Variants in VPS13C observed in about 807,000 individuals in gnomAD.
The protein encoded by VPS13C is intermembrane lipid transfer protein VPS13C.
Under a neutral mutation model 456.8 loss-of-function variants are expected in VPS13C, and 358 were observed. That is an observed-to-expected ratio of 0.78 (90% confidence interval 0.72 to 0.86). VPS13C has a LOEUF of 0.86. Among genes scored for constraint, VPS13C ranks in the 40% least tolerant of loss-of-function variants. VPS13C has a pLI of 0.00. For missense variants in VPS13C, 4,818 were observed against 4,385.4 expected (o/e 1.10, Z -2.79); for synonymous variants, 1,578 against 1,486.7 (o/e 1.06, Z -1.41).
intron 1 of VPS13C, among the ~76,000 whole-genome samples, chr15:62,052,203 C>T (rs531398295): frequency 1.3e-5 from 2 of 152,134 alleles, no homozygotes; most frequent in Admixed American, 6.5e-5. Flanking sequence ...ATAAAGAATG[C>T]TTTGTATTTA....
chr15:61,908,246 T>A (rs577279405), intron 65 of VPS13C, among the ~76,000 whole-genome samples: 41 of 152,248 alleles, frequency 2.7e-4, no homozygotes, highest in African/African-American at 9.9e-4. Context: ...CTTTTAAGTC[T>A]CTCACTGGAT....
intron 15 of VPS13C, among the ~76,000 whole-genome samples, chr15:62,002,999 G>A (rs895433317): frequency 2.6e-4 from 39 of 152,222 alleles, no homozygotes; most frequent in African/African-American, 8.9e-4. Context: ...ACTTGGCAAT[G>A]CGGGCTCTTT....
chr15:61,964,534 T>C (rs150905159), intron 31 of VPS13C, among the ~76,000 whole-genome samples, 165 bp downstream of exon 31: 459 of 152,168 alleles, frequency 3.0e-3, no homozygotes, highest in Non-Finnish European at 4.8e-3. Context: ...AACAACAGTA[T>C]TGATTACATT....
intron 66 of VPS13C, among the ~76,000 whole-genome samples, chr15:61,904,739 T>C (rs2043105789): frequency 6.6e-6 from 1 of 152,070 alleles, no homozygotes; most frequent in Admixed American, 6.6e-5. Flanking sequence ...TAAATGTCCA[T>C]CAATAGATGA....
intron 1 of VPS13C, among the ~76,000 whole-genome samples, chr15:62,046,892 G>T (rs1357013398): frequency 6.6e-6 from 1 of 152,048 alleles, no homozygotes; most frequent in Admixed American, 6.6e-5. Flanking sequence ...GACAAAAAGA[G>T]ATTGTACTTA....
chr15:61,925,735 T>C (rs1292259412), intron 52 of VPS13C, among the ~76,000 whole-genome samples, 187 bp from the exon 53 acceptor site: 1 of 152,254 alleles, frequency 6.6e-6, no homozygotes, highest in Non-Finnish European at 1.5e-5. Context: ...ATGAGAAATC[T>C]GTGAACACTG....
At chr15:61,896,491 G>T (rs2042818253) in intron 66 of VPS13C, among the ~76,000 whole-genome samples, 1 of 152,178 alleles carries the variant, frequency 6.6e-6, no homozygotes, top group Non-Finnish European at 1.5e-5. Context: ...AGGGGTGACG[G>T]ACGGGACCTG....
intron 15 of VPS13C, among the ~76,000 whole-genome samples, chr15:62,000,989 T>C (rs1256309556): frequency 6.6e-6 from 1 of 152,176 alleles, no homozygotes; most frequent in Non-Finnish European, 1.5e-5. Context: ...TTCTTATCAT[T>C]ACATAGCCAT....
At position 61,916,006 on chromosome 15, in the gene VPS13C, T is replaced by G; in HGVS notation, c.8072A>C (p.His2691Pro). Reference sequence around the variant, plus strand: ...AGCAGTACTGCCTTCTGCCAGCTCATGAGTTTCTGCTGTTCCCTAAAAACA... The same window carrying G: ...AGCAGTACTGCCTTCTGCCAGCTCAGGAGTTTCTGCTGTTCCCTAAAAACA... ...RYLLEGTAET[H>P]ELAEGSTADV... is the part of the protein sequence containing the mutation. The change falls in exon 61 of 85, where the codon CAT (histidine) becomes CCT (proline). Residue 2691 changes from histidine to proline, a missense_variant. Coordinates refer to ENST00000644861, the MANE Select transcript of VPS13C (RefSeq NM_020821.3). The G allele has an allele frequency of 6.3e-7, 1 of 1,587,064 alleles. No homozygotes were observed.
rs377193341 is a variant in VPS13C at position 62,048,438 on chromosome 15, C to A, written c.101-4183G>T. Among the ~76,000 whole-genome samples the A allele has an allele frequency of 8.7e-5, 13 of 149,706 alleles. No individual in the cohort carries two copies. In the South Asian group the frequency reaches 1.9e-3, roughly 22 times the overall value. On this transcript the variant is annotated intron_variant, in intron 1 of 84. Transcript: ENST00000644861. ...TCCCTACAAAGGACATGAACTCATCCTTTTTTACGGCTGCATAGTATTCCA... is the reference window on the plus strand; with the variant it reads ...TCCCTACAAAGGACATGAACTCATCATTTTTTACGGCTGCATAGTATTCCA...
chr15:61,946,579 A>G (rs1356916651), intron 43 of VPS13C, among the ~76,000 whole-genome samples, 169 bp from the exon 44 acceptor site: 1 of 151,864 alleles, frequency 6.6e-6, no homozygotes, highest in African/African-American at 2.4e-5. Context: ...GAAAGGTAAT[A>G]ATACCTTTAA....
intron 16 of VPS13C, among the ~76,000 whole-genome samples, chr15:62,000,087 C>T (rs1269078026): frequency 6.6e-6 from 1 of 152,032 alleles, no homozygotes; most frequent in Non-Finnish European, 1.5e-5. Context: ...AGTGGCCAGG[C>T]GCAGTGGCTC....
chr15:62,033,511 T>C lies in VPS13C; in HGVS notation c.315A>G (p.Lys105=), dbSNP rs761772358. The change falls in exon 5 of 85, where the codon AAA becomes AAG. Residue 105 remains lysine, a synonymous_variant. Coordinates refer to ENST00000644861, the MANE Select transcript of VPS13C (RefSeq NM_020821.3). ...SIKYDAVKEE[K]SLQDVKQKEL... is the part of the protein sequence containing the mutation. The stretch of plus-strand genomic sequence containing the variant: ...CTTTCTGTTTAACATCCTGCAAGGA[T>C]TTTTCTTCTTTTACAGCATCATACT... 2 of 1,605,892 alleles carry C rather than the reference T, an allele frequency of 1.2e-6. No individual in the cohort carries two copies. Among genetic ancestry groups the C allele is most frequent in the African/African-American group, 2.7e-5 (2 of 74,610 alleles).
At chr15:61,876,845 C>G (rs932478059) in intron 75 of VPS13C, 128 bp downstream of exon 75, 1 of 601,264 alleles carries the variant, frequency 1.7e-6, no homozygotes, top group East Asian at 3.2e-5. Context: ...TTGAAGAAAG[C>G]CACTAAATAC....
In VPS13C at chr15:61,920,079, T is replaced by C. The variant is rs1429167218; in HGVS notation, c.7465A>G (p.Thr2489Ala). The stretch of plus-strand genomic sequence containing the variant: ...AAATATAGCCTACCAATGGTCAGAG[T>C]GAAGAAGGAGCTTTCTTGACGGCTC... ...ILSRQESSFF[T>A]LTIVPHGYTE... is the part of the protein sequence containing the mutation. The change falls in exon 57 of 85, where the codon ACT becomes GCT. Residue 2489 changes from threonine (T) to alanine (A), a missense_variant. By Grantham distance (58) the Thr-to-Ala change is moderately conservative. Transcript: ENST00000644861. 7.5e-6 allele frequency: 12 copies of C among 1,604,638 alleles called. No homozygotes were observed. The highest frequency in any genetic ancestry group is 6.7e-5 in the African/African-American group (5 of 74,642).
intron 30 of VPS13C, among the ~76,000 whole-genome samples, chr15:61,965,377 A>G (rs1401578185): frequency 6.6e-6 from 1 of 151,950 alleles, no homozygotes; most frequent in Non-Finnish European, 1.5e-5. Flanking sequence ...AAGAAACACA[A>G]TATAGAACTT....
At chr15:61,903,886 A>T (rs1169288879) in intron 66 of VPS13C, among the ~76,000 whole-genome samples, 1 of 152,196 alleles carries the variant, frequency 6.6e-6, no homozygotes, top group Non-Finnish European at 1.5e-5. Context: ...GGAAAAAGAC[A>T]GTGTCTTCAA....
intron 5 of VPS13C, among the ~76,000 whole-genome samples, chr15:62,032,082 C>T (rs1220327550): frequency 6.6e-6 from 1 of 151,720 alleles, no homozygotes; most frequent in Non-Finnish European, 1.5e-5. Flanking sequence ...TGTAATTATG[C>T]TATATCAATA....
chr15:62,014,127 TTCTTTA>T (rs1309780834), intron 9 of VPS13C, 135 bp from the exon 10 acceptor site: 1 of 503,838 alleles, frequency 2.0e-6, no homozygotes, highest in Non-Finnish European at 3.5e-6. Context: ...AGCTATCTAT[TTCTTTA>T]CATATATTTA....
Sources: allele counts gnomAD v4.1 joint callset (sites outside exome capture counted in the v4.1 genomes callset), GRCh38; gene constraint gnomAD v4.1.1; transcripts MANE v1.5; gene names NCBI Gene and HGNC (gene_info 2026-07-23, HGNC 2026-07-21).